PKDCC: variants seen among roughly 807,000 people sequenced by gnomAD.
PKDCC encodes extracellular tyrosine-protein kinase PKDCC.
Under a neutral mutation model 44.7 loss-of-function variants are expected in PKDCC, and 35 were observed. That is an observed-to-expected ratio of 0.78 (90% confidence interval 0.60 to 1.04). The LOEUF is 1.04. PKDCC is among the 50% of genes least tolerant of loss of function. The probability of loss-of-function intolerance (pLI) is 0.00; values close to 1 mark genes in which losing one functional copy is unlikely to be tolerated. For synonymous variants in PKDCC, 353 were observed against 303.3 expected (o/e 1.16, Z -1.70); for missense variants, 738 against 672.7 (o/e 1.10, Z -1.07).
chr2:42,048,829 C>G lies in PKDCC; in HGVS notation c.630C>G (p.Asn210Lys). 1 of 1,464,218 alleles carries G rather than the reference C, an allele frequency of 6.8e-7. No homozygotes were observed. Among genetic ancestry groups the G allele is most frequent in the Non-Finnish European group, 9.1e-7 (1 of 1,099,704 alleles). The allele number at this position is 1,464,218 out of a possible 1,614,324, so 90.7% of individuals were successfully genotyped here. ...TGCTGGAGCGGCTGCGGCACCCCAA[C>G]GTGCTGCAGGTACGAGGGTGGGGAC... ...MVLLERLRHP[N>K]VLQLYGYCYQ... The change falls in exon 1 of 7, where the codon AAC (asparagine) becomes AAG (lysine). Residue 210 changes from asparagine to lysine, a missense_variant. Physicochemically the swap from Asn to Lys is moderately conservative, Grantham distance 94. Transcript: ENST00000294964. This position sits in a 1 kb window ranked among gnomAD's most constrained non-coding sequence, Gnocchi z 6.2.
Position 42,048,582 on chromosome 2 carries a change from C to G in PKDCC, c.383C>G (p.Pro128Arg), listed in dbSNP as rs2103922366. 7.1e-7 allele frequency: 1 copy of G among 1,402,636 alleles called. No homozygotes were observed. Among genetic ancestry groups the G allele is most frequent in the Non-Finnish European group, 9.3e-7 (1 of 1,076,868 alleles). 86.9% of individuals were successfully genotyped at this position (1,402,636 alleles called of 1,614,324 possible). A position where few individuals can be genotyped will look rare whatever the true frequency, so the allele number is the denominator to read the frequency against. Residue 128 changes from proline (P) to arginine (R), a missense_variant, in exon 1 of 7, where the codon CCG becomes CGG. By Grantham distance (103) the Pro-to-Arg change is moderately radical. Coordinates refer to ENST00000294964, the MANE Select transcript of PKDCC (RefSeq NM_138370.3). The surrounding 1 kb of genome is among the most constrained non-coding windows in gnomAD (Gnocchi z 6.2). The part of the protein sequence containing the change: ...APGPGSPGPG[P>R]RLGCAALRNV... ...GGCCCAGGCTCCCCCGGCCCGGGCC[C>G]GCGCCTGGGCTGCGCCGCGCTTCGC...
chr2:42,055,031 C>T lies in PKDCC; in HGVS notation c.1114+11C>T, dbSNP rs371141571. The T allele has an allele frequency of 1.4e-5, 22 of 1,611,608 alleles. No homozygotes were observed. The highest frequency in any genetic ancestry group is 5.0e-5 in the Admixed American group (3 of 60,012). ...TCGTCAACGCCACAGGTGAGCTCTC[C>T]AGGGCCCATCTGCTTCCAGGCACCT... On this transcript the variant is annotated intron_variant, in intron 4 of 6. Transcript: ENST00000294964. The surrounding 1 kb of genome is among the most constrained non-coding windows in gnomAD (Gnocchi z 4.5).
In PKDCC at chr2:42,055,436, T is replaced by A; in HGVS notation, c.1222+43T>A. 6.3e-7 allele frequency: 1 copy of A among 1,578,170 alleles called. No individual in the cohort carries two copies. The highest frequency in any genetic ancestry group is 8.7e-7 in the Non-Finnish European group (1 of 1,154,698). On this transcript the variant is annotated intron_variant, in intron 5 of 6. Transcript: ENST00000294964. The surrounding 1 kb of genome is among the most constrained non-coding windows in gnomAD (Gnocchi z 4.5). ...GATCCACAGGGAAGCAAGAAACAGG[T>A]GGGAGGGTGAATGACCCCGCCCAAT...
chr2:42,057,186 C>G, intron 5 of PKDCC, 35 bp from the exon 6 acceptor site: 2 of 1,608,256 alleles, frequency 1.2e-6, no homozygotes, highest in Non-Finnish European at 1.7e-6. Flanking sequence ...CCTGGGCATA[C>G]AGAATTCTCA....
chr2:42,048,207 G>T lies in PKDCC; in HGVS notation c.8G>T (p.Arg3Leu). MR[R>L]RRAAVAAGFC... ...GCCGGGGGGAGGGGAGCGATGCGGC[G>T]CCGGCGGGCGGCAGTGGCCGCGGGT... is the stretch of plus-strand genomic sequence containing the variant. Residue 3 changes from arginine to leucine, a missense_variant, in exon 1 of 7, where the codon CGC (arginine) becomes CTC (leucine). Arg to Leu is a moderately radical substitution (Grantham distance 102, BLOSUM62 -2). Coordinates refer to ENST00000294964, the MANE Select transcript of PKDCC (RefSeq NM_138370.3). This position sits in a 1 kb window ranked among gnomAD's most constrained non-coding sequence, Gnocchi z 6.2. The T allele has an allele frequency of 3.4e-6, 4 of 1,183,682 alleles. No individual in the cohort carries two copies. Among genetic ancestry groups the T allele is most frequent in the Non-Finnish European group, 3.2e-6 (3 of 950,494 alleles). 73.3% of individuals were successfully genotyped at this position (1,183,682 alleles called of 1,614,324 possible).
chr2:42,048,277 C>G lies in PKDCC; in HGVS notation c.78C>G (p.Phe26Leu). ...FLLGSVLNVL[F>L]APGSEPPRPG... is the part of the protein sequence containing the mutation. Reference sequence around the variant, plus strand: ...TGGGCTCCGTCCTCAACGTGCTCTTCGCTCCGGGCTCGGAGCCTCCGAGGC... The same window carrying G: ...TGGGCTCCGTCCTCAACGTGCTCTTGGCTCCGGGCTCGGAGCCTCCGAGGC... Residue 26 changes from phenylalanine (F) to leucine (L), a missense_variant, in exon 1 of 7, where the codon TTC becomes TTG. By Grantham distance (22) the Phe-to-Leu change is conservative. Coordinates refer to ENST00000294964, the MANE Select transcript of PKDCC (RefSeq NM_138370.3). This position sits in a 1 kb window ranked among gnomAD's most constrained non-coding sequence, Gnocchi z 6.2. 1 of 1,278,986 alleles carries G rather than the reference C, an allele frequency of 7.8e-7. No homozygotes were observed. 79.2% of individuals were successfully genotyped at this position (1,278,986 alleles called of 1,614,324 possible).
Position 42,048,138 on chromosome 2 carries a change from G to A in PKDCC, c.-62G>A. On this transcript the variant is annotated 5_prime_UTR_variant, in exon 1 of 7. An upstream open reading frame in the 5' UTR loses its in-frame stop. Coordinates refer to ENST00000294964, the MANE Select transcript of PKDCC (RefSeq NM_138370.3). The surrounding 1 kb of genome is among the most constrained non-coding windows in gnomAD (Gnocchi z 6.2). ...GCAGAGCGGAGCCGCCTCGGAGCCT[G>A]AGCCGCCCGGGGCCGGGGCCGGGGA... The A allele has an allele frequency of 1.0e-6, 1 of 960,890 alleles. No individual in the cohort carries two copies. Among genetic ancestry groups the A allele is most frequent in the Non-Finnish European group, 1.2e-6 (1 of 809,292 alleles). 59.5% of individuals were successfully genotyped at this position (960,890 alleles called of 1,614,324 possible).
Position 42,052,980 on chromosome 2 carries a change from AC to A in PKDCC, c.640-258del, listed in dbSNP as rs1667993327. 6.6e-6 allele frequency among the ~76,000 whole-genome samples: 1 copy of A among 152,182 alleles called. No individual in the cohort carries two copies. The highest frequency in any genetic ancestry group is 2.1e-4 in the South Asian group (1 of 4,820). The stretch of plus-strand genomic sequence containing the variant: ...AGAGCAATTTAGCATGGTACCTGGC[AC>A]GTGGTTAACTCACAGTGGCCAGACC... On this transcript the variant is annotated intron_variant, in intron 1 of 6. Coordinates refer to ENST00000294964, the MANE Select transcript of PKDCC (RefSeq NM_138370.3). The surrounding 1 kb of genome is among the most constrained non-coding windows in gnomAD (Gnocchi z 4.3).
chr2:42,054,993 C>A lies in PKDCC; in HGVS notation c.1087C>A (p.Leu363Met), dbSNP rs1668028917. The A allele has an allele frequency of 2.5e-6, 4 of 1,614,144 alleles. No individual in the cohort carries two copies. The highest frequency in any genetic ancestry group is 3.4e-6 in the Non-Finnish European group (4 of 1,179,986). The change falls in exon 4 of 7, where the codon CTG becomes ATG. Residue 363 changes from leucine (L) to methionine (M), a missense_variant. By Grantham distance (15) the Leu-to-Met change is conservative. Transcript: ENST00000294964. This position sits in a 1 kb window ranked among gnomAD's most constrained non-coding sequence, Gnocchi z 6.1. The part of the protein sequence containing the change: ...PHSAPPSLRP[L>M]LDSIVNATGE... ...CAGTGCCCCGCCTTCACTGCGTCCT[C>A]TGCTGGACAGCATCGTCAACGCCAC...
In PKDCC at chr2:42,054,868, C is replaced by T. The variant is rs115121316; in HGVS notation, c.1035-73C>T. The T allele has an allele frequency of 5.0e-3, 7,042 of 1,408,818 alleles. 21 individuals carry two copies. The highest frequency in any genetic ancestry group is 6.1e-3 in the Non-Finnish European group (6,093 of 993,700). The allele number at this position is 1,408,818 out of a possible 1,614,324, so 87.3% of individuals were successfully genotyped here. On this transcript the variant is annotated intron_variant, in intron 3 of 6. Coordinates refer to ENST00000294964, the MANE Select transcript of PKDCC (RefSeq NM_138370.3). This position sits in a 1 kb window ranked among gnomAD's most constrained non-coding sequence, Gnocchi z 6.1. ...CTCCCTGGCCAGGTTAGCGTTCTGC[C>T]CCAGGTTGGAATAGAGGAAGGATGT...
Position 42,050,145 on chromosome 2 carries a change from G to C in PKDCC, c.639+1307G>C, listed in dbSNP as rs567567824. 6.3e-4 allele frequency among the ~76,000 whole-genome samples: 96 copies of C among 152,306 alleles called. 2 individuals are homozygous for C. Among genetic ancestry groups the C allele is most frequent in the South Asian group, 6.0e-3 (29 of 4,830 alleles). ...CAACCCTGGTCAGACACTTGTGACC[G>C]GGCCCTGGGCCCCAAACTGGTCTCA... On this transcript the variant is annotated intron_variant, in intron 1 of 6. Transcript: ENST00000294964.
rs766174974 is a variant in PKDCC, at chr2:42,057,691, T to C, written c.*3T>C. ...CATATGTGAAGGCCTCTGGCTGACC[T>C]ATCTGAGGGCTCGGCTGACCAGCTG... is the stretch of plus-strand genomic sequence containing the variant. On this transcript the variant is annotated 3_prime_UTR_variant, in exon 7 of 7. Transcript: ENST00000294964. 1.9e-6 allele frequency: 3 copies of C among 1,613,260 alleles called. No homozygotes were observed. Among genetic ancestry groups the C allele is most frequent in the South Asian group, 1.1e-5 (1 of 90,982 alleles).
In PKDCC at chr2:42,048,823, C is replaced by T; in HGVS notation, c.624C>T (p.His208=). Residue 208 remains histidine (H), a synonymous_variant, in exon 1 of 7, where the codon CAC becomes CAT. Transcript: ENST00000294964. The surrounding 1 kb of genome is among the most constrained non-coding windows in gnomAD (Gnocchi z 6.2). Reference sequence around the variant, plus strand: ...TGGTGCTGCTGGAGCGGCTGCGGCACCCCAACGTGCTGCAGGTACGAGGGT... The same window carrying T: ...TGGTGCTGCTGGAGCGGCTGCGGCATCCCAACGTGCTGCAGGTACGAGGGT... ...KEMVLLERLR[H]PNVLQLYGYC... 6.8e-7 allele frequency: 1 copy of T among 1,466,160 alleles called. No homozygotes were observed. The highest frequency in any genetic ancestry group is 2.4e-5 in the East Asian group (1 of 40,968). 90.8% of individuals were successfully genotyped at this position (1,466,160 alleles called of 1,614,324 possible).
rs550594412 is a variant in PKDCC, at chr2:42,055,119, G to A, written c.1114+99G>A. Reference sequence around the variant, plus strand: ...ATAACCCAGGGCAGCAGGGGTTCTAGAAACCATCACTTCCTAAGGTGGCAT... The same window carrying A: ...ATAACCCAGGGCAGCAGGGGTTCTAAAAACCATCACTTCCTAAGGTGGCAT... On this transcript the variant is annotated intron_variant, in intron 4 of 6. Transcript: ENST00000294964. The surrounding 1 kb of genome is among the most constrained non-coding windows in gnomAD (Gnocchi z 4.5). The A allele has an allele frequency of 3.8e-5, 53 of 1,404,070 alleles. 1 individual carries two copies. The African/African-American group carries it at 6.7e-4, about 18-fold the overall frequency. The allele number at this position is 1,404,070 out of a possible 1,614,324, so 87.0% of individuals were successfully genotyped here.
At chr2:42,049,296 ATG>A (rs1309601402) in intron 1 of PKDCC, among the ~76,000 whole-genome samples, 1 of 152,118 alleles carries the variant, frequency 6.6e-6, no homozygotes, top group Non-Finnish European at 1.5e-5. Flanking sequence ...GGTTTTGAAA[ATG>A]AGACGGGACA....
At position 42,055,503 on chromosome 2, in the gene PKDCC, C is replaced by CAGAG; in HGVS notation, c.1222+111_1222+112insGAGA. ...CCCTTTCTCTGGGGACCCTTGTCTC[C>CAGAG]AAAGGCCACTGTAGGGGCTCACATA... is the stretch of plus-strand genomic sequence containing the variant. On this transcript the variant is annotated intron_variant, in intron 5 of 6. Coordinates refer to ENST00000294964, the MANE Select transcript of PKDCC (RefSeq NM_138370.3). The surrounding 1 kb of genome is among the most constrained non-coding windows in gnomAD (Gnocchi z 4.5). 1 of 882,026 alleles carries CAGAG rather than the reference C, an allele frequency of 1.1e-6. No individual in the cohort carries two copies. Among genetic ancestry groups the CAGAG allele is most frequent in the Non-Finnish European group, 1.8e-6 (1 of 560,484 alleles). The allele number at this position is 882,026 out of a possible 1,614,324, so 54.6% of individuals were successfully genotyped here. A position where few individuals can be genotyped will look rare whatever the true frequency, so the allele number is the denominator to read the frequency against.
chr2:42,054,962 G>T lies in PKDCC; in HGVS notation c.1056G>T (p.Leu352=). 2 of 1,614,044 alleles carry T rather than the reference G, an allele frequency of 1.2e-6. No individual in the cohort carries two copies. The highest frequency in any genetic ancestry group is 1.7e-6 in the Non-Finnish European group (2 of 1,179,954). The change falls in exon 4 of 7, where the codon CTG becomes CTT. Residue 352 remains leucine (L), a synonymous_variant. Transcript: ENST00000294964. This position sits in a 1 kb window ranked among gnomAD's most constrained non-coding sequence, Gnocchi z 6.1. ...NAYRFFFTYL[L]PHSAPPSLRP... ...ACAGGTTTTTCTTCACATACCTCCT[G>T]CCTCACAGTGCCCCGCCTTCACTGC...
chr2:42,053,576 CCTT>C, intron 2 of PKDCC: 6 of 633,620 alleles, frequency 9.5e-6, no homozygotes, highest in Non-Finnish European at 1.6e-5. Context: ...CCTCACCCCT[CCTT>C]GTGCGCGTGT....
rs1668023277 is a variant in PKDCC, at chr2:42,054,634, C to G, written c.1035-307C>G. On this transcript the variant is annotated intron_variant, in intron 3 of 6. Transcript: ENST00000294964. The surrounding 1 kb of genome is among the most constrained non-coding windows in gnomAD (Gnocchi z 6.1). ...GCTCTGGGAAATTCCTCACTGGGCCCCAGCCATGGGGCTGCTCCGACACCG... is the reference window on the plus strand; with the variant it reads ...GCTCTGGGAAATTCCTCACTGGGCCGCAGCCATGGGGCTGCTCCGACACCG... 1.8e-6 allele frequency: 1 copy of G among 542,710 alleles called. No individual in the cohort carries two copies. The highest frequency in any genetic ancestry group is 3.3e-6 in the Non-Finnish European group (1 of 305,696). 33.6% of individuals were successfully genotyped at this position (542,710 alleles called of 1,614,324 possible). A position where few individuals can be genotyped will look rare whatever the true frequency, so the allele number is the denominator to read the frequency against.
Sources: gnomAD v4.1 joint callset for allele counts (sites outside exome capture counted in the v4.1 genomes callset) on GRCh38, gnomAD v4.1.1 for gene constraint, Gnocchi (gnomAD v3.1) non-coding constraint, MANE v1.5 for transcripts, NCBI Gene and HGNC (gene_info 2026-07-23, HGNC 2026-07-21) for gene names.